Variants in NRDC observed in about 807,000 individuals in gnomAD.
NRDC encodes the protein nardilysin convertase, also known as nardilysin.
In NRDC, 54 loss-of-function variants were observed where a neutral mutation model predicts 147.1. The observed-to-expected ratio is 0.37, with a 90% CI of 0.29 to 0.46. The LOEUF (loss-of-function observed/expected upper bound fraction) is 0.46. Ranked by LOEUF, NRDC falls within the 20% of genes least tolerant of loss-of-function variation. NRDC has a pLI of 1.00. For synonymous variants in NRDC, 440 were observed against 482.1 expected (o/e 0.91, Z 1.14); for missense variants, 1,082 against 1,370.6 (o/e 0.79, Z 3.33).
At chr1:51,812,404 T>C (rs1335739282) in intron 14 of NRDC, among the ~76,000 whole-genome samples, 1 of 152,044 alleles carries the variant, frequency 6.6e-6, no homozygotes, top group African/African-American at 2.4e-5. Flanking sequence ...AGTACACGCC[T>C]GTAGTGTCAG....
At chr1:51,831,937 T>A (rs1411315296) in intron 4 of NRDC, among the ~76,000 whole-genome samples, 10 of 151,910 alleles carry the variant, frequency 6.6e-5, no homozygotes, top group Non-Finnish European at 7.4e-5. Context: ...AAAAAAAAAA[T>A]AAATAAATAG....
rs1378527979 is a variant in NRDC, at chr1:51,789,365, A to G, written c.3327T>C (p.Ser1109=). The change falls in exon 31 of 31, where the codon TCT becomes TCC. Residue 1109 remains serine (S), a synonymous_variant. Transcript: ENST00000352171. ...GTPSSEDSNS[S]CEVMQLTYLP... ...GGTAGGTCAGCTGCATCACTTCACA[A>G]GAAGAATTTGAATCCTCACTAGAAG... 15 of 1,613,970 alleles carry G rather than the reference A, an allele frequency of 9.3e-6. No individual in the cohort carries two copies. The highest frequency in any genetic ancestry group is 1.2e-5 in the Non-Finnish European group (14 of 1,180,006).
chr1:51,827,853 T>C lies in NRDC; in HGVS notation c.883A>G (p.Ile295Val). 1.2e-6 allele frequency: 2 copies of C among 1,613,928 alleles called. No individual in the cohort carries two copies. Among genetic ancestry groups the C allele is most frequent in the Middle Eastern group, 1.7e-4 (1 of 6,060 alleles). ...GCATCTCTGATCATTAGTGGGTGGA[T>C]GAAGAACTGCGCCCATCTGAACAAA... ...EALDRWAQFFIHPLMIRDAID... is the reference protein window; with the variant it reads ...EALDRWAQFFVHPLMIRDAID... The change falls in exon 5 of 31, where the codon ATC becomes GTC. Residue 295 changes from isoleucine (I) to valine (V), a missense_variant. Ile to Val is a conservative substitution (Grantham distance 29, BLOSUM62 3). Coordinates refer to ENST00000352171, the MANE Select transcript of NRDC (RefSeq NM_001101662.2).
rs566920387 is a variant in NRDC at position 51,790,252 on chromosome 1, T to C, written c.3168+281A>G. On this transcript the variant is annotated intron_variant, in intron 29 of 30. Transcript: ENST00000352171. The stretch of plus-strand genomic sequence containing the variant: ...AATTTTCTTTAAACGGCAAAACTCT[T>C]TTTCTCCACAAAATCTTGTAGACCT... Among the ~76,000 whole-genome samples the C allele has an allele frequency of 4.6e-5, 7 of 152,268 alleles. No homozygotes were observed. In the South Asian group the frequency reaches 1.5e-3, roughly 32 times the overall value.
intron 1 of NRDC, among the ~76,000 whole-genome samples, chr1:51,847,828 G>C (rs1000354926): frequency 6.6e-6 from 1 of 152,232 alleles, no homozygotes; most frequent in South Asian, 2.1e-4. Context: ...GTGCAGCGGC[G>C]GCCTGAAGAG....
At chr1:51,790,479 T>C (rs1678565980) in intron 29 of NRDC, 54 bp downstream of exon 29, 16 of 1,114,114 alleles carry the variant, frequency 1.4e-5, no homozygotes, top group Middle Eastern at 1.9e-4. Context: ...GTGATGCCTG[T>C]AGAATCAGGA....
At chr1:51,841,277 T>C (rs1321822432) in intron 1 of NRDC, among the ~76,000 whole-genome samples, 1 of 152,172 alleles carries the variant, frequency 6.6e-6, no homozygotes, top group Admixed American at 6.5e-5. Context: ...ACTAGGTATC[T>C]ATTACAGACC....
chr1:51,815,232 C>T (rs1344197625), intron 11 of NRDC, among the ~76,000 whole-genome samples: 2 of 148,140 alleles, frequency 1.4e-5, no homozygotes, highest in Non-Finnish European at 1.5e-5. Context: ...CAATGTTGCC[C>T]AGTCTGGTCT....
chr1:51,855,280 C>T (rs186460310), intron 1 of NRDC, among the ~76,000 whole-genome samples: 3 of 152,250 alleles, frequency 2.0e-5, no homozygotes, highest in Admixed American at 1.3e-4. Context: ...GTCCTCTTTG[C>T]GTAGCATCCT....
At chr1:51,846,047 T>C (rs1681553365) in intron 1 of NRDC, among the ~76,000 whole-genome samples, 1 of 151,246 alleles carries the variant, frequency 6.6e-6, no homozygotes, top group Admixed American at 6.6e-5. Flanking sequence ...ACAAATCAAA[T>C]GGAATGGTAA....
At chr1:51,804,076 A>G in intron 19 of NRDC, 112 bp from the exon 20 acceptor site, 1 of 898,432 alleles carries the variant, frequency 1.1e-6, no homozygotes, top group Non-Finnish European at 1.6e-6. Flanking sequence ...TAAATTCTCT[A>G]CTCCAGAATG....
intron 1 of NRDC, among the ~76,000 whole-genome samples, chr1:51,861,626 G>C (rs1228272244): frequency 3.3e-5 from 5 of 152,032 alleles, no homozygotes; most frequent in Admixed American, 2.0e-4. Flanking sequence ...GATTACAAGT[G>C]GTGAGCCACT....
intron 1 of NRDC, among the ~76,000 whole-genome samples, chr1:51,863,708 T>C (rs1682664316): frequency 6.6e-6 from 1 of 152,172 alleles, no homozygotes; most frequent in South Asian, 2.1e-4. Flanking sequence ...CTAATTTAAT[T>C]GGAAGTGACT....
At chr1:51,791,955 A>T in intron 26 of NRDC, 91 bp downstream of exon 26, 3 of 1,332,126 alleles carry the variant, frequency 2.3e-6, no homozygotes, top group Non-Finnish European at 2.2e-6. Flanking sequence ...GGAAGCTCTA[A>T]CAGGCTGCTC....
At chr1:51,847,173 C>T (rs544042130) in intron 1 of NRDC, among the ~76,000 whole-genome samples, 1 of 152,258 alleles carries the variant, frequency 6.6e-6, no homozygotes, top group Non-Finnish European at 1.5e-5. Flanking sequence ...TTCACAAACC[C>T]TGAGCTAGAC....
At chr1:51,854,444 C>T (rs1022260910) in intron 1 of NRDC, among the ~76,000 whole-genome samples, 1 of 152,170 alleles carries the variant, frequency 6.6e-6, no homozygotes, top group Non-Finnish European at 1.5e-5. Context: ...AGGAAGTAGG[C>T]AGAGCAGTCT....
In NRDC at chr1:51,817,381, T is replaced by C. The variant is rs191484156; in HGVS notation, c.1361+685A>G. ...CTAACTGGAAAAGCATTTGTAGGCA[T>C]TGACTGATCCTTAACTTAAATAATT... On this transcript the variant is annotated intron_variant, in intron 10 of 30. Transcript: ENST00000352171. 2.5e-4 allele frequency among the ~76,000 whole-genome samples: 38 copies of C among 149,144 alleles called. No individual in the cohort carries two copies. In the East Asian group the frequency reaches 3.0e-3, roughly 12 times the overall value.
intron 19 of NRDC, 28 bp from the exon 20 acceptor site, chr1:51,803,992 C>G: frequency 6.5e-7 from 1 of 1,539,472 alleles, no homozygotes; most frequent in Non-Finnish European, 8.8e-7. Context: ...CAAATGGCAT[C>G]TTTAATTGGT....
At chr1:51,847,907 G>A (rs546730487) in intron 1 of NRDC, among the ~76,000 whole-genome samples, 7 of 152,342 alleles carry the variant, frequency 4.6e-5, no homozygotes, top group South Asian at 2.1e-4. Context: ...GGCTGTGAGG[G>A]CTGCCAGCAC....
Sources: gnomAD v4.1 joint callset for allele counts (sites outside exome capture counted in the v4.1 genomes callset) on GRCh38, gnomAD v4.1.1 for gene constraint, MANE v1.5 for transcripts, NCBI Gene and HGNC (gene_info 2026-07-23, HGNC 2026-07-21) for gene names.